The following PAK1 variants were observed in gnomAD, a reference collection of about 807,000 sequenced individuals.
The protein encoded by PAK1 is p21 (RAC1) activated kinase 1, also known as serine/threonine-protein kinase PAK 1.
Under a neutral mutation model 67.4 loss-of-function variants are expected in PAK1, and 29 were observed. The ratio of observed to expected loss-of-function variants is 0.43; its 90% CI spans 0.32 to 0.59. The LOEUF is 0.59. PAK1 is among the 20% of genes least tolerant of loss of function. PAK1 has a pLI of 0.07. For synonymous variants in PAK1, 223 were observed against 237.4 expected, an observed-to-expected ratio of 0.94 and a Z score of 0.56; for missense variants, 337 against 670.7, an observed-to-expected ratio of 0.50 and a Z score of 5.50.
chr11:77,383,220 G>T (rs1336983938), intron 2 of PAK1, among the ~76,000 whole-genome samples: 1 of 152,062 alleles, frequency 6.6e-6, no homozygotes, highest in Non-Finnish European at 1.5e-5. Context: ...TAGATTAGAC[G>T]CGGAGTACAA....
intron 1 of PAK1, among the ~76,000 whole-genome samples, chr11:77,435,480 G>A (rs940824065): frequency 1.3e-5 from 2 of 149,264 alleles, no homozygotes; most frequent in Non-Finnish European, 2.9e-5. Context: ...AATTTCCAGA[G>A]ACACATATTT....
intron 1 of PAK1, among the ~76,000 whole-genome samples, chr11:77,398,908 G>A (rs902985879): frequency 6.6e-6 from 1 of 152,150 alleles, no homozygotes; most frequent in African/African-American, 2.4e-5. Flanking sequence ...AATGTTATTA[G>A]CACATTTAGG....
At chr11:77,331,751 G>A (rs752860920) in intron 14 of PAK1, among the ~76,000 whole-genome samples, 2 of 146,124 alleles carry the variant, frequency 1.4e-5, no homozygotes, top group South Asian at 2.2e-4. Context: ...AAACCTGCAC[G>A]TTGTGCACAT....
At chr11:77,407,684 C>G (rs1010444353) in intron 1 of PAK1, among the ~76,000 whole-genome samples, 11 of 152,196 alleles carry the variant, frequency 7.2e-5, no homozygotes, top group African/African-American at 2.7e-4. Context: ...AATGCCTAGC[C>G]TAGCTGCATC....
chr11:77,480,479 C>T, the PAK1 span, among the ~76,000 whole-genome samples: 1 of 147,716 alleles, frequency 6.8e-6, no homozygotes, highest in African/African-American at 2.5e-5. Flanking sequence ...TTTGGAAGTC[C>T]TTTATTGTAA....
the PAK1 span, among the ~76,000 whole-genome samples, chr11:77,523,435 T>TTC: frequency 6.7e-6 from 1 of 150,290 alleles, no homozygotes. Flanking sequence ...TTTTTTTTTT[T>TTC]TTGAGACAAA....
intron 14 of PAK1, among the ~76,000 whole-genome samples, chr11:77,328,033 AAAG>A (rs1279043548): frequency 6.6e-6 from 1 of 152,210 alleles, no homozygotes; most frequent in Non-Finnish European, 1.5e-5. Flanking sequence ...CAAAAGAGAC[AAAG>A]AAGGCCATTA....
At chr11:77,485,866 GT>G in the PAK1 span, among the ~76,000 whole-genome samples, 1 of 152,228 alleles carries the variant, frequency 6.6e-6, no homozygotes, top group African/African-American at 2.4e-5. Context: ...ATAATAGTGT[GT>G]TCTCGAACAT....
chr11:77,345,494 A>C (rs1264627373), intron 9 of PAK1, among the ~76,000 whole-genome samples: 1 of 152,236 alleles, frequency 6.6e-6, no homozygotes, highest in Non-Finnish European at 1.5e-5. Flanking sequence ...TAGAAGCAGC[A>C]AGAAGTATAA....
intron 8 of PAK1, among the ~76,000 whole-genome samples, chr11:77,351,459 A>G (rs923190092): frequency 3.3e-5 from 5 of 152,164 alleles, no homozygotes; most frequent in Admixed American, 6.5e-5. Flanking sequence ...CATTCTTAAT[A>G]TCTCAATTTC....
At chr11:77,472,656 C>G (rs566762712) in intron 1 of PAK1, among the ~76,000 whole-genome samples, 2 of 152,310 alleles carry the variant, frequency 1.3e-5, no homozygotes, top group East Asian at 3.9e-4. Flanking sequence ...TTTCTCCTGA[C>G]AGAGTTGAAA....
chr11:77,502,786 G>A, the PAK1 span, among the ~76,000 whole-genome samples: 2 of 152,232 alleles, frequency 1.3e-5, no homozygotes, highest in African/African-American at 4.8e-5. Context: ...AAGCTGGCAT[G>A]GTGCACATAT....
the PAK1 span, among the ~76,000 whole-genome samples, chr11:77,494,688 G>C: frequency 6.6e-6 from 1 of 151,548 alleles, no homozygotes; most frequent in Admixed American, 6.6e-5. Flanking sequence ...AAATGATACA[G>C]ACACCATGGA....
chr11:77,510,827 T>C, the PAK1 span, among the ~76,000 whole-genome samples: 8 of 152,340 alleles, frequency 5.3e-5, 1 homozygote, highest in South Asian at 1.0e-3. Context: ...TTTATGAGAA[T>C]ACTAAGGAGG....
the PAK1 span, among the ~76,000 whole-genome samples, chr11:77,527,284 G>A: frequency 2.6e-5 from 4 of 151,698 alleles, no homozygotes; most frequent in Non-Finnish European, 5.9e-5. Context: ...TGTATTTTTT[G>A]TAGTGATGGG....
chr11:77,442,702 T>A (rs1956407588), intron 1 of PAK1, among the ~76,000 whole-genome samples: 1 of 152,224 alleles, frequency 6.6e-6, no homozygotes, highest in Non-Finnish European at 1.5e-5. Flanking sequence ...TTTATTTTTT[T>A]AAAACTGCTA....
intron 1 of PAK1, among the ~76,000 whole-genome samples, chr11:77,421,690 T>C (rs1167894451): frequency 6.6e-6 from 1 of 152,186 alleles, no homozygotes; most frequent in Non-Finnish European, 1.5e-5. Flanking sequence ...TCCTGAAGGC[T>C]AAGAAAGGAA....
chr11:77,435,104 A>G (rs1327617847), intron 1 of PAK1, among the ~76,000 whole-genome samples: 4 of 119,522 alleles, frequency 3.3e-5, no homozygotes, highest in Admixed American at 8.6e-5. Flanking sequence ...TACTTGTACA[A>G]CCCTGTGAAT....
At chr11:77,367,989 A>T (rs890724338) in intron 5 of PAK1, among the ~76,000 whole-genome samples, 1 of 152,198 alleles carries the variant, frequency 6.6e-6, no homozygotes, top group African/African-American at 2.4e-5. Context: ...AAACAAACAA[A>T]CAAACAAAAA....
Sources: gnomAD v4.1 joint callset for allele counts (sites outside exome capture counted in the v4.1 genomes callset) on GRCh38, gnomAD v4.1.1 for gene constraint, MANE v1.5 for transcripts, NCBI Gene and HGNC (gene_info 2026-07-23, HGNC 2026-07-21) for gene names.